Variants in ANLN observed in about 807,000 individuals in gnomAD.
The protein encoded by ANLN is anillin, actin binding protein, also known as anillin.
In ANLN, 59 loss-of-function variants were observed where a neutral mutation model predicts 135.1. That is an observed-to-expected ratio of 0.44 (90% CI 0.35 to 0.54). ANLN has a LOEUF of 0.54. Among genes scored for constraint, ANLN ranks in the 20% least tolerant of loss-of-function variants. ANLN has a pLI of 0.00. For missense variants in ANLN, 1,182 were observed against 1,340.0 expected (o/e 0.88, Z 1.84); for synonymous variants, 406 against 456.4 (o/e 0.89, Z 1.41).
intron 5 of ANLN, among the ~76,000 whole-genome samples, 169 bp downstream of exon 5, chr7:36,408,125 G>A (rs933857531): frequency 1.6e-4 from 24 of 152,268 alleles, no homozygotes; most frequent in African/African-American, 4.1e-4. Flanking sequence ...ATTTATTAAC[G>A]TAGACTAGCC....
intron 7 of ANLN, among the ~76,000 whole-genome samples, chr7:36,412,183 C>T (rs998527126): frequency 1.3e-5 from 2 of 151,310 alleles, no homozygotes; most frequent in Non-Finnish European, 2.9e-5. Context: ...AATCTGTCAC[C>T]CACCTGCCTC....
intron 23 of ANLN, among the ~76,000 whole-genome samples, chr7:36,450,838 G>A (rs775132589): frequency 3.9e-5 from 6 of 152,084 alleles, no homozygotes; most frequent in African/African-American, 7.2e-5. Flanking sequence ...TGACCACAGC[G>A]GCCCACTTCA....
intron 1 of ANLN, 95 bp downstream of exon 1, chr7:36,390,139 G>C: frequency 6.3e-7 from 1 of 1,596,384 alleles, no homozygotes; most frequent in Non-Finnish European, 8.6e-7. Flanking sequence ...CCCACCGGGC[G>C]GAGGGCGCGT....
intron 2 of ANLN, among the ~76,000 whole-genome samples, chr7:36,398,230 G>C (rs983740247): frequency 6.6e-6 from 1 of 151,434 alleles, no homozygotes; most frequent in Non-Finnish European, 1.5e-5. Flanking sequence ...ATAGAAGCTT[G>C]AAATATGAAA....
chr7:36,434,604 C>G (rs1788453362), intron 20 of ANLN, among the ~76,000 whole-genome samples: 1 of 152,208 alleles, frequency 6.6e-6, no homozygotes, highest in African/African-American at 2.4e-5. Context: ...TGGCTCATGC[C>G]TGTAATCCCA....
chr7:36,420,112 G>A, intron 10 of ANLN, 57 bp from the exon 11 acceptor site: 1 of 1,523,376 alleles, frequency 6.6e-7, no homozygotes, highest in South Asian at 1.2e-5. Context: ...GATTTTCACA[G>A]AATAAAATGA....
chr7:36,430,042 G>A (rs983042323), intron 20 of ANLN, among the ~76,000 whole-genome samples: 3 of 152,098 alleles, frequency 2.0e-5, no homozygotes, highest in Admixed American at 6.5e-5. Context: ...AGTGAGGAGG[G>A]GAAGCAAATA....
At chr7:36,404,919 T>G (rs1184410584) in intron 3 of ANLN, among the ~76,000 whole-genome samples, 1 of 152,028 alleles carries the variant, frequency 6.6e-6, no homozygotes, top group Non-Finnish European at 1.5e-5. Flanking sequence ...TAAAACCATA[T>G]ATGAATTGTT....
At chr7:36,429,991 G>T (rs3801309) in intron 20 of ANLN, among the ~76,000 whole-genome samples, 3 of 151,962 alleles carry the variant, frequency 2.0e-5, no homozygotes, top group African/African-American at 7.3e-5. Context: ...GATACAGTAC[G>T]ATTTAGAAGT....
Position 36,396,365 on chromosome 7 carries a change from G to T in ANLN, c.118G>T (p.Ala40Ser). ...AAGGTCTATGACTCATGCTAAGCGA[G>T]CTAGACAGCCACTTTCAGAAGCAAG... ...APRSMTHAKR[A>S]RQPLSEASNQ... The change falls in exon 2 of 24, where the codon GCT (alanine) becomes TCT (serine). Residue 40 changes from alanine (A) to serine (S), a missense_variant. Coordinates refer to ENST00000265748, the MANE Select transcript of ANLN (RefSeq NM_018685.5). 1 of 1,604,766 alleles carries T rather than the reference G, an allele frequency of 6.2e-7. No individual in the cohort carries two copies. The highest frequency in any genetic ancestry group is 2.2e-5 in the East Asian group (1 of 44,716).
At chr7:36,434,156 A>C (rs1788433520) in intron 20 of ANLN, among the ~76,000 whole-genome samples, 1 of 152,186 alleles carries the variant, frequency 6.6e-6, no homozygotes, top group East Asian at 1.9e-4. Context: ...TGTCTTTCAG[A>C]CAGTATAGAT....
Position 36,393,065 on chromosome 7 carries a change from C to A in ANLN, c.18+3021C>A, listed in dbSNP as rs985299086. ...TTTTGAGTCAGAGTCTCGTTCTCGC[C>A]CAGACTGGAGCTCAATGGTGCGATC... On this transcript the variant is annotated intron_variant, in intron 1 of 23. Transcript: ENST00000265748. Among the ~76,000 whole-genome samples the A allele has an allele frequency of 2.0e-5, 3 of 151,136 alleles. No individual in the cohort carries two copies. In the East Asian group the frequency reaches 5.8e-4, roughly 29 times the overall value.
intron 22 of ANLN, among the ~76,000 whole-genome samples, chr7:36,448,322 G>T (rs1789103040): frequency 1.3e-5 from 2 of 152,098 alleles, no homozygotes; most frequent in East Asian, 3.8e-4. Context: ...GCCCTGTTTT[G>T]CATTTTACAG....
intron 22 of ANLN, among the ~76,000 whole-genome samples, chr7:36,445,161 CTTTTTTTTTTTTTT>C (rs70977145): frequency 1.2e-4 from 7 of 57,822 alleles, no homozygotes; most frequent in East Asian, 1.1e-3. Flanking sequence ...ATTTGGGATT[CTTTTTTTTTTTTTT>C]TTTTTTTTTT....
At chr7:36,422,416 T>C (rs886951956) in intron 13 of ANLN, among the ~76,000 whole-genome samples, 3 of 152,136 alleles carry the variant, frequency 2.0e-5, no homozygotes, top group Non-Finnish European at 4.4e-5. Context: ...ATACCACACA[T>C]GAAAACTAGC....
Position 36,420,467 on chromosome 7 carries a change from G to C in ANLN, c.2016-130G>C, listed in dbSNP as rs905542766. ...TTAGCCTCTCTTTCACCAAATGAGA[G>C]TTCCATTCTGTTGTGAAATGTTCTG... On this transcript the variant is annotated intron_variant, in intron 11 of 23. Coordinates refer to ENST00000265748, the MANE Select transcript of ANLN (RefSeq NM_018685.5). 2.3e-5 allele frequency: 29 copies of C among 1,255,312 alleles called. No individual in the cohort carries two copies. The African/African-American group carries it at 4.2e-4, about 18-fold the overall frequency. The allele number at this position is 1,255,312 out of a possible 1,614,324, so 77.8% of individuals were successfully genotyped here.
At position 36,449,799 on chromosome 7, in the gene ANLN, T is replaced by A; in HGVS notation, c.3213T>A (p.Thr1071=). 6.2e-7 allele frequency: 1 copy of A among 1,613,982 alleles called. No individual in the cohort carries two copies. Among genetic ancestry groups the A allele is most frequent in the Non-Finnish European group, 8.5e-7 (1 of 1,179,944 alleles). ...VRPQREDDRE[T]LVSQCRDTLC... is the part of the protein sequence containing the mutation. ...CACAAAGAGAAGATGACCGAGAGAC[T>A]CTTGTCAGCCAATGCAGGGACACAC... Residue 1071 remains threonine (T), a synonymous_variant, in exon 23 of 24, where the codon ACT becomes ACA. Coordinates refer to ENST00000265748, the MANE Select transcript of ANLN (RefSeq NM_018685.5).
intron 22 of ANLN, 107 bp from the exon 23 acceptor site, chr7:36,449,558 A>C: frequency 1.2e-6 from 1 of 861,566 alleles, no homozygotes; most frequent in Non-Finnish European, 1.7e-6. Context: ...TTAACTTTTA[A>C]ATAATAGCTT....
chr7:36,429,520 T>A (rs899614067), intron 20 of ANLN, among the ~76,000 whole-genome samples: 3 of 152,224 alleles, frequency 2.0e-5, no homozygotes, highest in African/African-American at 7.2e-5. Context: ...TGCGCCCATC[T>A]AAAGATTTTT....
Sources: allele counts gnomAD v4.1 joint callset (sites outside exome capture counted in the v4.1 genomes callset), GRCh38; gene constraint gnomAD v4.1.1; transcripts MANE v1.5; gene names NCBI Gene and HGNC (gene_info 2026-07-23, HGNC 2026-07-21).